Variants in UBE2E2 observed in about 807,000 individuals in gnomAD.
UBE2E2 encodes the protein ubiquitin conjugating enzyme E2 E2.
UBE2E2 carries 6 observed loss-of-function variants against 24.7 expected under a neutral mutation model. That is an observed-to-expected ratio of 0.24 (90% CI 0.13 to 0.48). The LOEUF is 0.48. Ranked by LOEUF, UBE2E2 falls within the 20% of genes least tolerant of loss-of-function variation. UBE2E2 has a pLI of 0.99. For missense variants in UBE2E2, 169 were observed against 245.0 expected (o/e 0.69, Z 2.07); for synonymous variants, 104 against 83.6 (o/e 1.24, Z -1.33).
intron 3 of UBE2E2, among the ~76,000 whole-genome samples, chr3:23,473,421 G>A (rs1699066255): frequency 6.6e-6 from 1 of 151,970 alleles, no homozygotes; most frequent in African/African-American, 2.4e-5. Flanking sequence ...CTAGACCAAA[G>A]TGAAAAAAAT....
At chr3:23,503,615 A>G (rs1006135735) in intron 4 of UBE2E2, among the ~76,000 whole-genome samples, 1 of 151,920 alleles carries the variant, frequency 6.6e-6, no homozygotes, top group African/African-American at 2.4e-5. Flanking sequence ...GCACTTTGGG[A>G]GGCTGAGACA....
intron 3 of UBE2E2, among the ~76,000 whole-genome samples, chr3:23,370,366 C>T (rs552067049): frequency 6.6e-6 from 1 of 152,244 alleles, no homozygotes; most frequent in South Asian, 2.1e-4. Flanking sequence ...AGAGTCAAAA[C>T]ATAAAATGTT....
chr3:23,570,322 T>C (rs879571205), intron 5 of UBE2E2, among the ~76,000 whole-genome samples: 2 of 152,154 alleles, frequency 1.3e-5, no homozygotes, highest in African/African-American at 2.4e-5. Context: ...CTTCTTCACA[T>C]TGGGTAACTG....
chr3:23,385,347 A>C (rs1009692967), intron 3 of UBE2E2, among the ~76,000 whole-genome samples: 1 of 152,148 alleles, frequency 6.6e-6, no homozygotes, highest in Non-Finnish European at 1.5e-5. Flanking sequence ...GTGTTTTATC[A>C]TTTGATGCTG....
At chr3:23,349,306 G>A (rs1695654482) in intron 3 of UBE2E2, among the ~76,000 whole-genome samples, 3 of 152,198 alleles carry the variant, frequency 2.0e-5, no homozygotes, top group South Asian at 2.1e-4. Flanking sequence ...CGTGAGTGAC[G>A]CAGAAGACGG....
intron 3 of UBE2E2, among the ~76,000 whole-genome samples, chr3:23,305,644 T>TTGAAAATCA (rs1216038012): frequency 1.3e-5 from 2 of 152,194 alleles, no homozygotes; most frequent in Non-Finnish European, 2.9e-5. Context: ...TGTGCCACAT[T>TTGAAAATCA]TGAAAATCAT....
intron 3 of UBE2E2, among the ~76,000 whole-genome samples, chr3:23,491,408 A>G (rs1316537922): frequency 2.6e-5 from 4 of 152,164 alleles, no homozygotes; most frequent in Admixed American, 2.0e-4. Context: ...TATAACGTTT[A>G]TATTTGCACA....
chr3:23,243,542 G>A (rs1427609469), intron 3 of UBE2E2, among the ~76,000 whole-genome samples: 1 of 151,890 alleles, frequency 6.6e-6, no homozygotes, highest in Non-Finnish European at 1.5e-5. Context: ...ACATATATTC[G>A]TTTTAGATTA....
chr3:23,421,061 C>G (rs1005204516), intron 3 of UBE2E2, among the ~76,000 whole-genome samples: 1 of 152,190 alleles, frequency 6.6e-6, no homozygotes, highest in Non-Finnish European at 1.5e-5. Flanking sequence ...AGGTAGAACT[C>G]TTTGGAAGGG....
At chr3:23,438,402 A>C (rs1469583031) in intron 3 of UBE2E2, among the ~76,000 whole-genome samples, 1 of 152,226 alleles carries the variant, frequency 6.6e-6, no homozygotes, top group African/African-American at 2.4e-5. Context: ...AAGGATTGGC[A>C]GAAATAGTAC....
intron 4 of UBE2E2, among the ~76,000 whole-genome samples, chr3:23,527,283 A>G (rs114616786): frequency 1.2e-3 from 179 of 152,326 alleles, no homozygotes; most frequent in Non-Finnish European, 8.8e-4. Context: ...TGAGCTTAAC[A>G]TATGACCCAC....
chr3:23,589,642 TCTC>T lies in UBE2E2; in HGVS notation c.509-89_509-87del, dbSNP rs1696714954. On this transcript the variant is annotated intron_variant, in intron 5 of 5. Coordinates refer to ENST00000396703, the MANE Select transcript of UBE2E2 (RefSeq NM_152653.4). This position sits in a 1 kb window ranked among gnomAD's most constrained non-coding sequence, Gnocchi z 4.1. Reference sequence around the variant, plus strand: ...TCCAGGTTAGAACAGCAGCTTCTCATCTCCTACCCTCCCACTCCTTGCCAGCTT... The same window carrying T: ...TCCAGGTTAGAACAGCAGCTTCTCATCTACCCTCCCACTCCTTGCCAGCTT... The T allele has an allele frequency of 1.5e-6, 2 of 1,324,118 alleles. No homozygotes were observed. Among genetic ancestry groups the T allele is most frequent in the South Asian group, 1.3e-5 (1 of 76,600 alleles). The allele number at this position is 1,324,118 out of a possible 1,614,324, so 82.0% of individuals were successfully genotyped here. A position where few individuals can be genotyped will look rare whatever the true frequency, so the allele number is the denominator to read the frequency against.
chr3:23,378,224 A>G (rs1280025017), intron 3 of UBE2E2, among the ~76,000 whole-genome samples: 2 of 126,544 alleles, frequency 1.6e-5, no homozygotes, highest in African/African-American at 6.1e-5. Context: ...AAAGCCAACC[A>G]CAAATAAGCA....
rs574016392 is a variant in UBE2E2, at chr3:23,351,245, A to G, written c.227+133933A>G. On this transcript the variant is annotated intron_variant, in intron 3 of 5. Coordinates refer to ENST00000396703, the MANE Select transcript of UBE2E2 (RefSeq NM_152653.4). Reference sequence around the variant, plus strand: ...AGAGCTCCTGAAGGAAGCACTAAACATGGAAAGGAACAACCGGTACCAGCC... The same window carrying G: ...AGAGCTCCTGAAGGAAGCACTAAACGTGGAAAGGAACAACCGGTACCAGCC... Among the ~76,000 whole-genome samples, 14 of 152,338 alleles carry G rather than the reference A, an allele frequency of 9.2e-5. No homozygotes were observed. The South Asian group carries it at 2.9e-3, about 32-fold the overall frequency.
chr3:23,281,865 T>C (rs1008195838), intron 3 of UBE2E2, among the ~76,000 whole-genome samples: 25 of 152,218 alleles, frequency 1.6e-4, no homozygotes, highest in Admixed American at 7.2e-4. Context: ...TGCCAGATTT[T>C]CAAGAGTAGG....
At chr3:23,342,287 T>C (rs765753291) in intron 3 of UBE2E2, among the ~76,000 whole-genome samples, 8 of 151,604 alleles carry the variant, frequency 5.3e-5, no homozygotes, top group Non-Finnish European at 8.8e-5. Flanking sequence ...TGGGCCCAAG[T>C]GATCCTCCCA....
At chr3:23,365,812 C>G (rs1354436394) in intron 3 of UBE2E2, among the ~76,000 whole-genome samples, 1 of 152,072 alleles carries the variant, frequency 6.6e-6, no homozygotes, top group African/African-American at 2.4e-5. Context: ...CAAAGCAGTC[C>G]TAAGCAAAAA....
intron 3 of UBE2E2, among the ~76,000 whole-genome samples, chr3:23,495,669 G>T (rs1190330376): frequency 6.6e-6 from 1 of 152,034 alleles, no homozygotes; most frequent in African/African-American, 2.4e-5. Flanking sequence ...ATAGCTCAGG[G>T]CATAACCATG....
intron 3 of UBE2E2, among the ~76,000 whole-genome samples, chr3:23,354,769 A>G (rs530947351): frequency 1.3e-5 from 2 of 152,374 alleles, no homozygotes; most frequent in Non-Finnish European, 2.9e-5. Context: ...GAACACTTTT[A>G]CACTGTTGGT....
Sources: gnomAD v4.1 joint callset for allele counts (sites outside exome capture counted in the v4.1 genomes callset) on GRCh38, gnomAD v4.1.1 for gene constraint, Gnocchi (gnomAD v3.1) non-coding constraint, MANE v1.5 for transcripts, NCBI Gene and HGNC (gene_info 2026-07-23, HGNC 2026-07-21) for gene names.